CASK: variants seen among roughly 807,000 people sequenced by gnomAD.
The protein encoded by CASK is calcium/calmodulin dependent serine protein kinase, also known as peripheral plasma membrane protein CASK.
CASK carries 4 observed loss-of-function variants against 82.9 expected under a neutral mutation model. The ratio of observed to expected loss-of-function variants is 0.05; its 90% CI spans 0.02 to 0.11. The LOEUF is 0.11. Ranked by LOEUF, CASK falls within the 10% of genes least tolerant of loss-of-function variation. CASK has a pLI of 1.00. For missense variants in CASK, 358 were observed against 720.9 expected, an observed-to-expected ratio of 0.50 and a Z score of 5.76; for synonymous variants, 259 against 253.5, an observed-to-expected ratio of 1.02 and a Z score of -0.20.
At chrX:41,893,364 G>T (rs1357304258) in intron 1 of CASK, among the ~76,000 whole-genome samples, 1 of 112,247 alleles carries the variant, frequency 8.9e-6, no homozygotes, top group Non-Finnish European at 1.9e-5. Context: ...AACAATCACA[G>T]CTGCTTAAGT....
At chrX:41,907,630 G>A (rs1005112142) in intron 1 of CASK, among the ~76,000 whole-genome samples, 1 of 111,744 alleles carries the variant, frequency 8.9e-6, no homozygotes, top group Non-Finnish European at 1.9e-5. Flanking sequence ...CAATATCTAT[G>A]TGCTCACTAA....
chrX:41,855,411 C>T (rs1376821511), intron 1 of CASK, among the ~76,000 whole-genome samples: 1 of 111,425 alleles, frequency 9.0e-6, no homozygotes, highest in Non-Finnish European at 1.9e-5. Flanking sequence ...AAATTTAACA[C>T]CCTAAAAAGA....
rs143960485 is a variant in CASK at position 41,620,712 on chromosome X, T to C, written c.1033+1905A>G. On this transcript the variant is annotated intron_variant, in intron 11 of 26. Transcript: ENST00000378163. Reference sequence around the variant, plus strand: ...TTCCCACTGCACAAAGCAAATTCTTTGTTATCAATCAAGTTATAAGCAATA... The same window carrying C: ...TTCCCACTGCACAAAGCAAATTCTTCGTTATCAATCAAGTTATAAGCAATA... Among the ~76,000 whole-genome samples the C allele has an allele frequency of 2.7e-3, 305 of 112,314 alleles. 1 individual carries two copies. Among genetic ancestry groups the C allele is most frequent in the South Asian group, 7.3e-3 (20 of 2,727 alleles).
At chrX:41,549,372 C>T (rs984770663) in intron 21 of CASK, among the ~76,000 whole-genome samples, 8 of 112,058 alleles carry the variant, frequency 7.1e-5, no homozygotes, top group African/African-American at 2.6e-4. Flanking sequence ...GGGGTACACA[C>T]TGCCCAGTGG....
chrX:41,754,581 G>T (rs1387167326), intron 3 of CASK, among the ~76,000 whole-genome samples: 1 of 111,520 alleles, frequency 9.0e-6, no homozygotes, highest in Non-Finnish European at 1.9e-5. Context: ...GTGAAATGAT[G>T]AATCTCTGGC....
In CASK at chrX:41,704,313, ATTATC is replaced by A. The variant is rs201998263; in HGVS notation, c.430-32788_430-32784del. Among the ~76,000 whole-genome samples, 500 of 112,180 alleles carry A rather than the reference ATTATC, an allele frequency of 4.5e-3. 8 individuals are homozygous for A. The highest frequency in any genetic ancestry group is 0.043 in the Admixed American group (452 of 10,541). The stretch of plus-strand genomic sequence containing the variant: ...CCAAGCTAAAGAACTTGCAGATGAA[ATTATC>A]TTATAATTAGATAGCTTGGTATTTC... On this transcript the variant is annotated intron_variant, in intron 5 of 26. Transcript: ENST00000378163.
chrX:41,614,584 T>C (rs902194938), intron 11 of CASK, among the ~76,000 whole-genome samples: 5 of 108,014 alleles, frequency 4.6e-5, no homozygotes, highest in Non-Finnish European at 9.6e-5. Context: ...TGTAGTGGCA[T>C]GATCTTGGCT....
rs1226361872 is a variant in CASK, at chrX:41,524,105, T to C, written c.2521-71A>G. On this transcript the variant is annotated intron_variant, in intron 25 of 26. Coordinates refer to ENST00000378163, the MANE Select transcript of CASK (RefSeq NM_001367721.1). ...AACTAATGTAACTTTCAAATGAGTC[T>C]ATAAAAATTTTTATACAACTGAAAA... The C allele has an allele frequency of 1.5e-5, 12 of 816,381 alleles. No homozygotes were observed. In the South Asian group the frequency reaches 2.6e-4, roughly 18 times the overall value. 67.3% of individuals were successfully genotyped at this position (816,381 alleles called of 1,213,427 possible).
At chrX:41,632,137 C>T (rs2066479420) in intron 9 of CASK, among the ~76,000 whole-genome samples, 1 of 111,236 alleles carries the variant, frequency 9.0e-6, no homozygotes, top group Non-Finnish European at 1.9e-5. Context: ...TTATGTTGCT[C>T]AGGCTCAAAG....
At chrX:41,733,477 G>A (rs954731391) in intron 5 of CASK, among the ~76,000 whole-genome samples, 1 of 111,257 alleles carries the variant, frequency 9.0e-6, no homozygotes, top group African/African-American at 3.3e-5. Context: ...GGCTGGGCAC[G>A]GTGGCTCACG....
chrX:41,693,506 C>G (rs963959618), intron 5 of CASK, among the ~76,000 whole-genome samples: 2 of 110,627 alleles, frequency 1.8e-5, no homozygotes, highest in Admixed American at 9.7e-5. Flanking sequence ...CCCAGCTACT[C>G]GGGAGGCTGA....
Position 41,656,253 on chromosome X carries a change from A to G in CASK, c.831+4186T>C, listed in dbSNP as rs2014041. Among the ~76,000 whole-genome samples, 451 of 112,086 alleles carry G rather than the reference A, an allele frequency of 4.0e-3. 2 individuals carry two copies. The highest frequency in any genetic ancestry group is 0.014 in the African/African-American group (426 of 30,879). ...CTGTCTGCCAGCAAAAGAGACAGAC[A>G]CTGCCCATGGCTGTGGGGCAGATTT... On this transcript the variant is annotated intron_variant, in intron 8 of 26. Transcript: ENST00000378163.
At chrX:41,537,166 C>T (rs1602228884) in intron 22 of CASK, among the ~76,000 whole-genome samples, 1 of 111,037 alleles carries the variant, frequency 9.0e-6, no homozygotes, top group East Asian at 2.8e-4. Context: ...ACCATCAAAA[C>T]CACAAACAGA....
intron 5 of CASK, chrX:41,676,576 G>T (rs2067270447): frequency 1.3e-6 from 1 of 793,368 alleles, no homozygotes; most frequent in Admixed American, 3.3e-5. Flanking sequence ...CGCTGGGCCG[G>T]GCCTGGGCTC....
intron 25 of CASK, among the ~76,000 whole-genome samples, chrX:41,525,410 T>G (rs974374080): frequency 9.1e-6 from 1 of 110,236 alleles, no homozygotes; most frequent in Non-Finnish European, 1.9e-5. Context: ...CATCCTCTCT[T>G]CCCCTTCCCC....
intron 1 of CASK, among the ~76,000 whole-genome samples, chrX:41,858,259 GTTTTC>G (rs1219273577): frequency 8.9e-6 from 1 of 112,213 alleles, no homozygotes; most frequent in Non-Finnish European, 1.9e-5. Flanking sequence ...AGAGCCATCA[GTTTTC>G]CACTGCCACG....
chrX:41,542,486 A>G (rs1396702327), intron 22 of CASK, among the ~76,000 whole-genome samples: 1 of 113,119 alleles, frequency 8.8e-6, no homozygotes, highest in African/African-American at 3.2e-5. Context: ...TTTGTCCTAT[A>G]AAGTATAGCT....
intron 14 of CASK, chrX:41,585,777 A>G (rs1424795503): frequency 9.1e-6 from 1 of 109,997 alleles, no homozygotes; most frequent in African/African-American, 3.3e-5. Flanking sequence ...AGAAAAAAAG[A>G]AACACTATCA....
intron 1 of CASK, among the ~76,000 whole-genome samples, chrX:41,865,437 C>T (rs1349164258): frequency 9.0e-6 from 1 of 111,375 alleles, no homozygotes; most frequent in Non-Finnish European, 1.9e-5. Context: ...CTGAGATCTT[C>T]TATCTTTTCA....
Sources: allele counts gnomAD v4.1 joint callset (sites outside exome capture counted in the v4.1 genomes callset), GRCh38; gene constraint gnomAD v4.1.1; transcripts MANE v1.5; gene names NCBI Gene and HGNC (gene_info 2026-07-23, HGNC 2026-07-21).